The following ANKH variants were observed in gnomAD, a reference collection of about 807,000 sequenced individuals.
ANKH encodes the protein ANKH inorganic pyrophosphate transport regulator.
ANKH carries 15 observed loss-of-function variants against 49.0 expected under a neutral mutation model. The ratio of observed to expected loss-of-function variants is 0.31; its 90% CI spans 0.20 to 0.47. ANKH has a LOEUF of 0.47. Ranked by LOEUF, ANKH falls within the 20% of genes least tolerant of loss-of-function variation. The probability of loss-of-function intolerance (pLI) is 1.00; values close to 1 mark genes in which losing one functional copy is unlikely to be tolerated. For synonymous variants in ANKH, 273 were observed against 260.0 expected (o/e 1.05, Z -0.48); for missense variants, 429 against 652.0 (o/e 0.66, Z 3.72).
rs1015525913 is a variant in ANKH, at chr5:14,871,050, G to C, written c.96+302C>G. 8 of 497,864 alleles carry C rather than the reference G, an allele frequency of 1.6e-5. No homozygotes were observed. In the Admixed American group the frequency reaches 1.9e-4, roughly 12 times the overall value. 30.8% of individuals were successfully genotyped at this position (497,864 alleles called of 1,614,324 possible). On this transcript the variant is annotated intron_variant, in intron 1 of 11. Coordinates refer to ENST00000284268, the MANE Select transcript of ANKH (RefSeq NM_054027.6). ...AAACTACATTTTAATTAGAGCTGAG[G>C]TTTACATAATCGCAAATTACATAAT... is the stretch of plus-strand genomic sequence containing the variant.
At chr5:14,810,404 C>G (rs551416402) in intron 1 of ANKH, among the ~76,000 whole-genome samples, 41 of 152,266 alleles carry the variant, frequency 2.7e-4, no homozygotes, top group African/African-American at 9.9e-4. Context: ...GGTGATCCGC[C>G]TGCCTCAGCC....
chr5:14,788,600 A>G (rs573818829), intron 1 of ANKH, among the ~76,000 whole-genome samples: 13 of 152,226 alleles, frequency 8.5e-5, no homozygotes, highest in Non-Finnish European at 1.5e-4. Context: ...ATCAGTGACT[A>G]ATTAATTGCC....
At chr5:14,846,841 C>A (rs1741974303) in intron 1 of ANKH, among the ~76,000 whole-genome samples, 1 of 151,398 alleles carries the variant, frequency 6.6e-6, no homozygotes, top group South Asian at 2.1e-4. Context: ...AAAACACACA[C>A]ACGCACACAA....
intron 1 of ANKH, among the ~76,000 whole-genome samples, chr5:14,844,872 C>T (rs961053363): frequency 4.6e-5 from 7 of 152,134 alleles, no homozygotes; most frequent in African/African-American, 1.7e-4. Flanking sequence ...CAGAGAACTC[C>T]CAAGTTTCTG....
chr5:14,777,030 C>G (rs577518770), intron 1 of ANKH, among the ~76,000 whole-genome samples: 1 of 152,302 alleles, frequency 6.6e-6, no homozygotes, highest in South Asian at 2.1e-4. Context: ...GCCTGTAATC[C>G]CAGCACTTTA....
At chr5:14,788,514 C>T (rs1740051415) in intron 1 of ANKH, among the ~76,000 whole-genome samples, 1 of 152,212 alleles carries the variant, frequency 6.6e-6, no homozygotes, top group South Asian at 2.1e-4. Flanking sequence ...CAGGCAAATA[C>T]ACCACACACA....
At chr5:14,735,570 A>G (rs773529805) in intron 8 of ANKH, among the ~76,000 whole-genome samples, 9 of 152,174 alleles carry the variant, frequency 5.9e-5, no homozygotes, top group Non-Finnish European at 8.8e-5. Context: ...TTACTGCCCC[A>G]CAGTTCTGGA....
chr5:14,847,037 C>T (rs1453409046), intron 1 of ANKH, among the ~76,000 whole-genome samples: 1 of 149,638 alleles, frequency 6.7e-6, no homozygotes, highest in Non-Finnish European at 1.5e-5. Flanking sequence ...GAAACTCGAG[C>T]TTTTGATTTT....
intron 1 of ANKH, among the ~76,000 whole-genome samples, chr5:14,854,999 G>A (rs930365933): frequency 6.6e-6 from 1 of 152,124 alleles, no homozygotes; most frequent in African/African-American, 2.4e-5. Flanking sequence ...CCAAGTCCAC[G>A]CTCCTTACCC....
chr5:14,765,320 G>C (rs979983156), intron 2 of ANKH, among the ~76,000 whole-genome samples: 1 of 152,228 alleles, frequency 6.6e-6, no homozygotes, highest in East Asian at 1.9e-4. Flanking sequence ...GGTGTGCATA[G>C]TATGGACAGT....
At chr5:14,771,831 T>C (rs139420956) in intron 1 of ANKH, among the ~76,000 whole-genome samples, 4 of 150,444 alleles carry the variant, frequency 2.7e-5, no homozygotes, top group African/African-American at 7.4e-5. Flanking sequence ...TGAGAGTCAC[T>C]TGAACCCGGG....
chr5:14,792,630 G>A (rs545044888), intron 1 of ANKH, among the ~76,000 whole-genome samples: 1 of 152,126 alleles, frequency 6.6e-6, no homozygotes, highest in East Asian at 1.9e-4. Context: ...GGTGAACACA[G>A]CTAAAACACT....
Position 14,751,479 on chromosome 5 carries a change from T to G in ANKH, c.517-240A>C, listed in dbSNP as rs697571. Among the ~76,000 whole-genome samples the G allele has an allele frequency of 0.25, 38,667 of 152,184 alleles. 5,372 individuals are homozygous for G. The highest frequency in any genetic ancestry group is 0.36 in the African/African-American group (14,838 of 41,486). On this transcript the variant is annotated intron_variant, in intron 4 of 11. Transcript: ENST00000284268. The stretch of plus-strand genomic sequence containing the variant: ...GTTATACCCACCATGAAAATTCTTT[T>G]AAGCAACTACAAAAATCTTTCAAGG...
chr5:14,795,649 G>C (rs888611400), intron 1 of ANKH, among the ~76,000 whole-genome samples: 5 of 152,214 alleles, frequency 3.3e-5, no homozygotes, highest in Non-Finnish European at 5.9e-5. Context: ...AGGAGTTTAA[G>C]ACCAGCCTGG....
At chr5:14,836,946 G>A (rs1741672991) in intron 1 of ANKH, among the ~76,000 whole-genome samples, 2 of 152,138 alleles carry the variant, frequency 1.3e-5, no homozygotes, top group Non-Finnish European at 2.9e-5. Context: ...ACAGAACAGA[G>A]CCCTCAGAAA....
At chr5:14,757,047 G>T (rs1738908352) in intron 3 of ANKH, among the ~76,000 whole-genome samples, 1 of 152,162 alleles carries the variant, frequency 6.6e-6, no homozygotes, top group Non-Finnish European at 1.5e-5. Flanking sequence ...ACAGTCCTGA[G>T]TTCCTGGAAT....
In ANKH at chr5:14,713,250, CCTT is replaced by C. The variant is rs1345313474; in HGVS notation, c.1266-280_1266-278del. Among the ~76,000 whole-genome samples, 1 of 152,258 alleles carries C rather than the reference CCTT, an allele frequency of 6.6e-6. No homozygotes were observed. Among genetic ancestry groups the C allele is most frequent in the East Asian group, 1.9e-4 (1 of 5,158 alleles). ...AGCTCCCTGAGCGCAGGGACCATGT[CCTT>C]CTCTTCTGGTTTTCATGTCCAGCAT... is the stretch of plus-strand genomic sequence containing the variant. On this transcript the variant is annotated intron_variant, in intron 10 of 11. Transcript: ENST00000284268. This position sits in a 1 kb window ranked among gnomAD's most constrained non-coding sequence, Gnocchi z 4.4.
intron 1 of ANKH, among the ~76,000 whole-genome samples, chr5:14,776,142 A>T (rs1282520653): frequency 6.6e-6 from 1 of 152,204 alleles, no homozygotes; most frequent in Non-Finnish European, 1.5e-5. Flanking sequence ...GGGCATGAGA[A>T]AGAGGGAGAA....
intron 1 of ANKH, among the ~76,000 whole-genome samples, chr5:14,841,763 A>C (rs1741821748): frequency 6.6e-6 from 1 of 152,068 alleles, no homozygotes; most frequent in Non-Finnish European, 1.5e-5. Context: ...GCCCCCAGCA[A>C]CCCCCATTCT....
Sources: allele counts gnomAD v4.1 joint callset (sites outside exome capture counted in the v4.1 genomes callset), GRCh38; gene constraint gnomAD v4.1.1; non-coding constraint Gnocchi (gnomAD v3.1); transcripts MANE v1.5; gene names NCBI Gene and HGNC (gene_info 2026-07-23, HGNC 2026-07-21).